CUL4A: variants seen among roughly 807,000 people sequenced by gnomAD.
CUL4A encodes cullin-4A.
A neutral mutation model predicts 95.5 loss-of-function variants in CUL4A; 16 were observed. The ratio of observed to expected loss-of-function variants is 0.17; its 90% confidence interval spans 0.11 to 0.25. The LOEUF is 0.25. Ranked by LOEUF, CUL4A falls within the 10% of genes least tolerant of loss-of-function variation. CUL4A has a pLI of 1.00. For synonymous variants in CUL4A, 380 were observed against 353.1 expected, an observed-to-expected ratio of 1.08 and a Z score of -0.85; for missense variants, 610 against 937.0, an observed-to-expected ratio of 0.65 and a Z score of 4.56.
Position 113,239,444 on chromosome 13 carries a change from T to A in CUL4A, c.928T>A (p.Leu310Ile), listed in dbSNP as rs1379889329. ...ACTGCACATCTCAGGGCTCGACCAC[T>A]TACTGGATGAGAACAGAGTGCCGGA... ...TAILQKGLDH[L>I]LDENRVPDLA... The change falls in exon 10 of 20, where the codon TTA becomes ATA. Residue 310 changes from leucine to isoleucine, a missense_variant. Around this residue, in one of 10 missense-constraint regions of CUL4A, gnomAD observed 153 missense variants for 244.5 expected, o/e 0.63. Transcript: ENST00000375440. 25 of 1,613,796 alleles carry A rather than the reference T, an allele frequency of 1.5e-5. No homozygotes were observed. The highest frequency in any genetic ancestry group is 1.6e-5 in the Non-Finnish European group (19 of 1,179,946).
In CUL4A at chr13:113,235,400, C is replaced by T. The variant is rs569813413; in HGVS notation, c.848+255C>T. 3.9e-5 allele frequency among the ~76,000 whole-genome samples: 6 copies of T among 152,268 alleles called. No individual in the cohort carries two copies. The South Asian group carries it at 6.2e-4, about 16-fold the overall frequency. On this transcript the variant is annotated intron_variant, in intron 8 of 19. Coordinates refer to ENST00000375440, the MANE Select transcript of CUL4A (RefSeq NM_001008895.4). Reference sequence around the variant, plus strand: ...TACTTGGCATCTTTGAGTTTTGAGACGGTCTATTTATGTTAATGGAGTATC... The same window carrying T: ...TACTTGGCATCTTTGAGTTTTGAGATGGTCTATTTATGTTAATGGAGTATC...
At position 113,263,574 on chromosome 13, in the gene CUL4A, G is replaced by A. The variant is rs370203390; in HGVS notation, c.2272G>A (p.Val758Met). 32 of 1,583,984 alleles carry A rather than the reference G, an allele frequency of 2.0e-5. No individual in the cohort carries two copies. Among genetic ancestry groups the A allele is most frequent in the Admixed American group, 8.9e-5 (5 of 56,348 alleles). ...DKDNPNQYHY[V>M]A ...AGACAATCCGAATCAGTACCACTAC[G>A]TGGCCTGACGCATCTGCAGACGGTT... The change falls in exon 20 of 20, where the codon GTG becomes ATG. Residue 758 changes from valine to methionine, a missense_variant. By Grantham distance (21) the Val-to-Met change is conservative. Around this residue, in one of 10 missense-constraint regions of CUL4A, gnomAD observed 31 missense variants for 40.3 expected, o/e 0.77. Coordinates refer to ENST00000375440, the MANE Select transcript of CUL4A (RefSeq NM_001008895.4).
intron 11 of CUL4A, 27 bp from the exon 12 acceptor site, chr13:113,244,378 TTAGAG>T (rs2041802541): frequency 1.3e-6 from 2 of 1,492,122 alleles, no homozygotes; most frequent in Non-Finnish European, 1.9e-6. Context: ...TTTTTCTAGT[TTAGAG>T]TATTTACTAT....
Position 113,245,023 on chromosome 13 carries a change from G to A in CUL4A, c.1408G>A (p.Asp470Asn). 1 of 1,614,098 alleles carries A rather than the reference G, an allele frequency of 6.2e-7. No individual in the cohort carries two copies. The highest frequency in any genetic ancestry group is 8.5e-7 in the Non-Finnish European group (1 of 1,179,976). The change falls in exon 13 of 20, where the codon GAT (aspartate) becomes AAT (asparagine). Residue 470 changes from aspartate to asparagine, a missense_variant. By Grantham distance (23) the Asp-to-Asn change is conservative. Around this residue, in one of 10 missense-constraint regions of CUL4A, gnomAD observed 12 missense variants for 70.1 expected, o/e 0.17. Transcript: ENST00000375440. The part of the protein sequence containing the change: ...RLLVGKSASV[D>N]AEKSMLSKLK... ...CCTTGTTGGGAAAAGTGCCTCAGTC[G>A]ATGCTGAAAAGTCTATGTTGTCAAA...
intron 2 of CUL4A, among the ~76,000 whole-genome samples, chr13:113,218,041 G>A (rs376830174): frequency 2.0e-3 from 303 of 152,284 alleles, no homozygotes; most frequent in African/African-American, 6.8e-3. Context: ...GTTTGAGACC[G>A]GCCTGGCCAA....
At chr13:113,232,746 C>T (rs1020206336) in intron 5 of CUL4A, among the ~76,000 whole-genome samples, 2 of 152,138 alleles carry the variant, frequency 1.3e-5, no homozygotes, top group Admixed American at 6.5e-5. Flanking sequence ...GCTGCTGGGA[C>T]GTGCTCAGCA....
intron 8 of CUL4A, among the ~76,000 whole-genome samples, chr13:113,236,162 G>A (rs2041537299): frequency 1.3e-5 from 2 of 152,178 alleles, no homozygotes; most frequent in South Asian, 4.1e-4. Context: ...ACAGAATCCA[G>A]CACAAAAACA....
rs936052100 is a variant in CUL4A at position 113,219,137 on chromosome 13, C to G, written c.368+89C>G. 2.2e-5 allele frequency: 15 copies of G among 695,030 alleles called. No individual in the cohort carries two copies. In the East Asian group the frequency reaches 3.3e-4, roughly 15 times the overall value. The allele number at this position is 695,030 out of a possible 1,614,324, so 43.1% of individuals were successfully genotyped here. ...TTATGATAAAGAGCTAATGAGTATCCTTAATATTAAAACAACAGCTTTTAA... is the reference window on the plus strand; with the variant it reads ...TTATGATAAAGAGCTAATGAGTATCGTTAATATTAAAACAACAGCTTTTAA... On this transcript the variant is annotated intron_variant, in intron 3 of 19. Transcript: ENST00000375440.
At chr13:113,217,549 A>G (rs1321552625) in intron 2 of CUL4A, among the ~76,000 whole-genome samples, 1 of 152,116 alleles carries the variant, frequency 6.6e-6, no homozygotes, top group East Asian at 1.9e-4. Flanking sequence ...TATGGTAGTA[A>G]TCACTGTATG....
chr13:113,210,199 G>C, intron 2 of CUL4A, 111 bp downstream of exon 2: 1 of 676,024 alleles, frequency 1.5e-6, no homozygotes, highest in Non-Finnish European at 2.3e-6. Context: ...CGGAAAGGCA[G>C]GGCGTTTGCC....
intron 3 of CUL4A, among the ~76,000 whole-genome samples, chr13:113,222,941 G>A (rs993038169): frequency 1.3e-5 from 2 of 152,134 alleles, no homozygotes; most frequent in African/African-American, 4.8e-5. Context: ...AGGTGGATGA[G>A]GGCTGCTGTC....
At chr13:113,229,158 C>G (rs2041219016) in intron 4 of CUL4A, among the ~76,000 whole-genome samples, 1 of 152,082 alleles carries the variant, frequency 6.6e-6, no homozygotes, top group Non-Finnish European at 1.5e-5. Flanking sequence ...TAAAAGATAT[C>G]CTTTAGGCCT....
chr13:113,249,777 T>C (rs1387226461), intron 15 of CUL4A, among the ~76,000 whole-genome samples: 1 of 152,226 alleles, frequency 6.6e-6, no homozygotes, highest in African/African-American at 2.4e-5. Context: ...CCTCTTTCGT[T>C]GTAGCCATCC....
chr13:113,223,370 C>A (rs1014515542), intron 3 of CUL4A, among the ~76,000 whole-genome samples: 1 of 152,060 alleles, frequency 6.6e-6, no homozygotes, highest in Admixed American at 6.6e-5. Flanking sequence ...AGTAACTCTA[C>A]TTTCTAAGAT....
At chr13:113,235,192 G>C (rs781042410) in intron 8 of CUL4A, 47 bp downstream of exon 8, 4 of 1,328,138 alleles carry the variant, frequency 3.0e-6, no homozygotes, top group Non-Finnish European at 4.3e-6. Context: ...ACCATGGCTG[G>C]AAGGTTCTCC....
chr13:113,229,361 C>A, intron 4 of CUL4A, 85 bp from the exon 5 acceptor site: 1 of 1,109,214 alleles, frequency 9.0e-7, no homozygotes, highest in Non-Finnish European at 1.3e-6. Context: ...GGATTTGAGA[C>A]AGCTAGCATG....
rs2041497602 is a variant in CUL4A, at chr13:113,235,161, T to G, written c.848+16T>G. The G allele has an allele frequency of 1.9e-6, 3 of 1,557,164 alleles. No homozygotes were observed. The African/African-American group carries it at 4.1e-5, about 21-fold the overall frequency. ...ACAGCACACAGTAAGTACCGTTTGC[T>G]CGCTGAGCGTTCGTATCTTCACCAT... On this transcript the variant is annotated intron_variant, in intron 8 of 19. Coordinates refer to ENST00000375440, the MANE Select transcript of CUL4A (RefSeq NM_001008895.4).
chr13:113,250,175 C>T (rs906131730), intron 15 of CUL4A, among the ~76,000 whole-genome samples: 4 of 152,132 alleles, frequency 2.6e-5, no homozygotes, highest in Admixed American at 6.5e-5. Context: ...AAAAAATTGA[C>T]GAGGCCAGGT....
At position 113,232,218 on chromosome 13, in the gene CUL4A, G is replaced by A. The variant is rs1259362160; in HGVS notation, c.513-959G>A. 4.6e-3 allele frequency among the ~76,000 whole-genome samples: 12 copies of A among 2,596 alleles called. 2 individuals are homozygous for A. The highest frequency in any genetic ancestry group is 7.7e-3 in the African/African-American group (12 of 1,566). 1.7% of individuals were successfully genotyped at this position (2,596 alleles called of 152,430 possible). A position where few individuals can be genotyped will look rare whatever the true frequency, so the allele number is the denominator to read the frequency against. On this transcript the variant is annotated intron_variant, in intron 5 of 19. Coordinates refer to ENST00000375440, the MANE Select transcript of CUL4A (RefSeq NM_001008895.4). The stretch of plus-strand genomic sequence containing the variant: ...CCACTACCCGCCCACCACCATTACT[G>A]CTGCCACCACTACCCGCCCACCACC...
Sources: gnomAD v4.1 joint callset for allele counts (sites outside exome capture counted in the v4.1 genomes callset) on GRCh38, gnomAD v4.1.1 for gene constraint, gnomAD v4.1.1 regional missense constraint, MANE v1.5 for transcripts, NCBI Gene and HGNC (gene_info 2026-07-23, HGNC 2026-07-21) for gene names.